CRLF2: variants seen among roughly 807,000 people sequenced by gnomAD.
CRLF2 encodes the protein cytokine receptor like factor 2, also known as cytokine receptor-like factor 2.
Under a neutral mutation model 38.7 loss-of-function variants are expected in CRLF2, and 41 were observed. The ratio of observed to expected loss-of-function variants is 1.06; its 90% confidence interval spans 0.83 to 1.37. The LOEUF is 1.37. Ranked by LOEUF, CRLF2 falls within the 40% of genes most tolerant of loss-of-function variation. The pLI is 0.00. For missense variants in CRLF2, 377 were observed against 322.2 expected, an observed-to-expected ratio of 1.17 and a Z score of -1.30; for synonymous variants, 140 against 128.8, an observed-to-expected ratio of 1.09 and a Z score of -0.59.
chrX:1,192,957 G>A (rs1472755229), intron 7 of CRLF2, among the ~76,000 whole-genome samples: 1 of 151,040 alleles, frequency 6.6e-6, no homozygotes, highest in African/African-American at 2.4e-5. Flanking sequence ...GGGATTACAG[G>A]AGTGAGCCAG....
chrX:1,200,053 G>C (rs1335683252), intron 4 of CRLF2, among the ~76,000 whole-genome samples: 2 of 131,250 alleles, frequency 1.5e-5, no homozygotes, highest in Non-Finnish European at 3.3e-5. Context: ...ATATATGTGT[G>C]TATATAAGGT....
At chrX:1,211,162 T>C (rs2086789678) in intron 1 of CRLF2, among the ~76,000 whole-genome samples, 1 of 142,016 alleles carries the variant, frequency 7.0e-6, no homozygotes, top group Non-Finnish European at 1.5e-5. Flanking sequence ...AACAGATACA[T>C]AGGTGAATGG....
At chrX:1,195,511 C>T (rs1435698095) in intron 6 of CRLF2, among the ~76,000 whole-genome samples, 3 of 151,636 alleles carry the variant, frequency 2.0e-5, no homozygotes, top group Non-Finnish European at 2.9e-5. Flanking sequence ...AGGCTCAAGC[C>T]GTCCTTCCAC....
intron 5 of CRLF2, among the ~76,000 whole-genome samples, chrX:1,197,195 C>G (rs1209401784): frequency 4.0e-5 from 6 of 149,688 alleles, no homozygotes; most frequent in Admixed American, 2.0e-4. Context: ...CGGACTCAAG[C>G]GATTCTCCTG....
At chrX:1,194,631 C>T (rs1384064222) in intron 6 of CRLF2, among the ~76,000 whole-genome samples, 76 of 152,042 alleles carry the variant, frequency 5.0e-4, no homozygotes, top group Non-Finnish European at 9.9e-4. Flanking sequence ...AATCACCGAC[C>T]TCACAACGAG....
chrX:1,198,445 C>A lies in CRLF2; in HGVS notation c.646+117G>T. 4 of 839,686 alleles carry A rather than the reference C, an allele frequency of 4.8e-6. No homozygotes were observed. In the East Asian group the frequency reaches 1.0e-4, roughly 21 times the overall value. The allele number at this position is 839,686 out of a possible 1,614,324, so 52.0% of individuals were successfully genotyped here. On this transcript the variant is annotated intron_variant, in intron 5 of 7. Transcript: ENST00000400841. Reference sequence around the variant, plus strand: ...CCCACCTCCCAGGAAGGCAGGACACCCTCCCTCCCACCTCGAAGGCAGGAC... The same window carrying A: ...CCCACCTCCCAGGAAGGCAGGACACACTCCCTCCCACCTCGAAGGCAGGAC...
intron 4 of CRLF2, among the ~76,000 whole-genome samples, chrX:1,201,654 TAGAG>T (rs764367446): frequency 0.014 from 2,167 of 149,878 alleles, 43 homozygotes; most frequent in African/African-American, 0.049. Flanking sequence ...ATACATTAGA[TAGAG>T]AGACAGACAG....
intron 3 of CRLF2, among the ~76,000 whole-genome samples, chrX:1,202,900 G>A (rs1439579609): frequency 2.8e-4 from 43 of 151,862 alleles, no homozygotes; most frequent in Non-Finnish European, 4.6e-4. Context: ...CCTGAAGTCA[G>A]GAGTTCGAGA....
intron 4 of CRLF2, 48 bp from the exon 5 acceptor site, chrX:1,198,772 C>CACACAG: frequency 7.3e-7 from 1 of 1,368,198 alleles, no homozygotes; most frequent in Non-Finnish European, 1.0e-6. Flanking sequence ...CACACACACA[C>CACACAG]ACACACACAC....
intron 3 of CRLF2, among the ~76,000 whole-genome samples, chrX:1,204,089 C>CAAAAAAA (rs754202731): frequency 4.0e-4 from 6 of 14,838 alleles, no homozygotes; most frequent in South Asian, 6.9e-3. Context: ...CCCTCTCTCT[C>CAAAAAAA]AAAAAAAAGA....
Position 1,206,545 on chromosome X carries a change from A to G in CRLF2, c.237T>C (p.Gly79=), listed in dbSNP as rs370627928. 1.9e-6 allele frequency: 3 copies of G among 1,613,578 alleles called. No individual in the cohort carries two copies. ...DQCTNYLLQE[G]HTSGCLLDAE... ...CGTCTAGGAGGCACCCCGAAGTGTG[A>G]CCTTCCTGGAGAAGGTAGTTGGTGC... Residue 79 remains glycine (G), a synonymous_variant, in exon 3 of 8, where the codon GGT becomes GGC. Coordinates refer to ENST00000400841, the MANE Select transcript of CRLF2 (RefSeq NM_022148.4).
At chrX:1,201,349 T>TGTGA (rs1451010434) in intron 4 of CRLF2, among the ~76,000 whole-genome samples, 1 of 151,102 alleles carries the variant, frequency 6.6e-6, no homozygotes, top group African/African-American at 2.4e-5. Context: ...TCTGTGTGTG[T>TGTGA]GTGTGTGTAG....
intron 4 of CRLF2, chrX:1,199,148 A>T (rs1482731092): frequency 4.5e-6 from 1 of 224,530 alleles, no homozygotes; most frequent in African/African-American, 2.3e-5. Context: ...GACTGTGTCT[A>T]AAAAAAGAAA....
At chrX:1,211,937 GTGGATGGA>G (rs1206984542) in intron 1 of CRLF2, among the ~76,000 whole-genome samples, 3 of 143,156 alleles carry the variant, frequency 2.1e-5, no homozygotes, top group African/African-American at 5.3e-5. Flanking sequence ...GGGTGGATGG[GTGGATGGA>G]TGGATGGATG....
chrX:1,198,732 A>AACACAC lies in CRLF2; in HGVS notation c.484-9_484-8insGTGTGT, dbSNP rs781912782. 3.4e-6 allele frequency: 3 copies of AACACAC among 874,082 alleles called. No homozygotes were observed. The highest frequency in any genetic ancestry group is 3.1e-5 in the East Asian group (1 of 32,500). 54.1% of individuals were successfully genotyped at this position (874,082 alleles called of 1,614,324 possible). On this transcript the variant is annotated splice_polypyrimidine_tract_variant and intron_variant, in intron 4 of 7. Coordinates refer to ENST00000400841, the MANE Select transcript of CRLF2 (RefSeq NM_022148.4). ...GGTATTTTCCTGTTTGGACTGGAGA[A>AACACAC]ACATACACACACACACACACACACA...
intron 4 of CRLF2, among the ~76,000 whole-genome samples, chrX:1,200,440 T>G (rs1358974804): frequency 6.8e-6 from 1 of 146,148 alleles, no homozygotes; most frequent in African/African-American, 2.5e-5. Context: ...GTATATGTGT[T>G]TATATAAGGT....
chrX:1,208,605 G>C (rs1291053929), intron 2 of CRLF2, among the ~76,000 whole-genome samples: 1 of 152,142 alleles, frequency 6.6e-6, no homozygotes, highest in Non-Finnish European at 1.5e-5. Context: ...TTGACAGTGA[G>C]TCAGCCATCC....
chrX:1,203,011 T>G (rs2086635283), intron 3 of CRLF2, among the ~76,000 whole-genome samples: 1 of 139,746 alleles, frequency 7.2e-6, no homozygotes, highest in Non-Finnish European at 1.5e-5. Context: ...GGCAGGAGAA[T>G]CGCTTGAACC....
At chrX:1,197,530 C>G (rs1244617585) in intron 5 of CRLF2, among the ~76,000 whole-genome samples, 3 of 151,982 alleles carry the variant, frequency 2.0e-5, no homozygotes, top group East Asian at 1.9e-4. Context: ...AAACATACGT[C>G]AAAGGCCGGG....
Sources: gnomAD v4.1 joint callset for allele counts (sites outside exome capture counted in the v4.1 genomes callset) on GRCh38, gnomAD v4.1.1 for gene constraint, MANE v1.5 for transcripts, NCBI Gene and HGNC (gene_info 2026-07-23, HGNC 2026-07-21) for gene names.